ARHGAP28: variants seen among roughly 807,000 people sequenced by gnomAD.
ARHGAP28 encodes Rho GTPase activating protein 28, also known as rho GTPase-activating protein 28.
Under a neutral mutation model 90.7 loss-of-function variants are expected in ARHGAP28, and 56 were observed. That is an observed-to-expected ratio of 0.62 (90% CI 0.50 to 0.77). The LOEUF (loss-of-function observed/expected upper bound fraction) is 0.77, where lower values mean the gene tolerates loss of function less well. Ranked by LOEUF, ARHGAP28 falls within the 30% of genes least tolerant of loss-of-function variation. The pLI is 0.00. For synonymous variants in ARHGAP28, 308 were observed against 323.3 expected (o/e 0.95, Z 0.51); for missense variants, 869 against 900.9 (o/e 0.96, Z 0.45).
At chr18:6,743,879 G>A (rs181353412) in intron 1 of ARHGAP28, among the ~76,000 whole-genome samples, 1 of 152,166 alleles carries the variant, frequency 6.6e-6, no homozygotes, top group East Asian at 1.9e-4. Flanking sequence ...TTAATAGCTG[G>A]TCCTTAAGTG....
At chr18:6,733,085 A>G (rs944320374) in intron 1 of ARHGAP28, among the ~76,000 whole-genome samples, 4 of 152,222 alleles carry the variant, frequency 2.6e-5, no homozygotes, top group African/African-American at 7.2e-5. Context: ...ATTTTATAAA[A>G]TAGTTAAAAC....
At chr18:6,817,175 A>G (rs142895073) in intron 1 of ARHGAP28, among the ~76,000 whole-genome samples, 2,713 of 151,686 alleles carry the variant, frequency 0.018, 85 homozygotes, top group African/African-American at 0.063. Flanking sequence ...TTAGCTGGGC[A>G]TGGTGGTGCA....
chr18:6,802,798 A>G (rs1434705463), intron 1 of ARHGAP28, among the ~76,000 whole-genome samples: 2 of 152,182 alleles, frequency 1.3e-5, no homozygotes, highest in Admixed American at 6.5e-5. Flanking sequence ...TTTCTCAGCA[A>G]TGTTTGCAGT....
intron 1 of ARHGAP28, among the ~76,000 whole-genome samples, chr18:6,768,595 AG>A (rs2056218411): frequency 6.6e-6 from 1 of 152,180 alleles, no homozygotes; most frequent in South Asian, 2.1e-4. Context: ...CTGGGGGGTC[AG>A]GGGCTGCTCT....
At chr18:6,808,506 C>G (rs2143671116) in intron 1 of ARHGAP28, among the ~76,000 whole-genome samples, 1 of 152,054 alleles carries the variant, frequency 6.6e-6, no homozygotes, top group Non-Finnish European at 1.5e-5. Context: ...TTCAAGTGGT[C>G]AAGTCCTAGA....
chr18:6,887,206 G>A lies in ARHGAP28; in HGVS notation c.1503G>A (p.Met501Ile). Residue 501 changes from methionine (M) to isoleucine (I), a missense_variant, in exon 12 of 18, where the codon ATG (methionine) becomes ATA (isoleucine). Met to Ile is a conservative substitution (Grantham distance 10). Coordinates refer to ENST00000383472, the MANE Select transcript of ARHGAP28 (RefSeq NM_001366230.1). Reference sequence around the variant, plus strand: ...TTCAAGCCTTACACCTCATGGTCATGGCGCTGCCTGATGCCAACAGAGATG... The same window carrying A: ...TTCAAGCCTTACACCTCATGGTCATAGCGCTGCCTGATGCCAACAGAGATG... ...VQFQALHLMVMALPDANRDAA... is the reference protein window; with the variant it reads ...VQFQALHLMVIALPDANRDAA... 5 of 1,614,130 alleles carry A rather than the reference G, an allele frequency of 3.1e-6. No individual in the cohort carries two copies. Among genetic ancestry groups the A allele is most frequent in the Non-Finnish European group, 4.2e-6 (5 of 1,180,016 alleles).
chr18:6,733,023 A>G (rs2055895984), intron 1 of ARHGAP28, among the ~76,000 whole-genome samples: 1 of 152,198 alleles, frequency 6.6e-6, no homozygotes, highest in African/African-American at 2.4e-5. Context: ...TCTGAGTTTT[A>G]TAGCTCCAAT....
intron 1 of ARHGAP28, among the ~76,000 whole-genome samples, chr18:6,781,536 C>G (rs1371363677): frequency 1.3e-5 from 2 of 152,170 alleles, no homozygotes; most frequent in Non-Finnish European, 2.9e-5. Context: ...GGAGCGGGAG[C>G]TGCTGTCTCT....
At chr18:6,818,963 A>G (rs2056609248) in intron 1 of ARHGAP28, among the ~76,000 whole-genome samples, 2 of 151,980 alleles carry the variant, frequency 1.3e-5, no homozygotes, top group South Asian at 4.2e-4. Flanking sequence ...GCTCCCAGTA[A>G]CTCTCTCCAT....
At chr18:6,864,817 T>C (rs2057025902) in intron 5 of ARHGAP28, among the ~76,000 whole-genome samples, 1 of 152,002 alleles carries the variant, frequency 6.6e-6, no homozygotes, top group Non-Finnish European at 1.5e-5. Flanking sequence ...CCCCAGTAAC[T>C]GGGATTATAC....
chr18:6,861,236 C>T (rs1490932701), intron 5 of ARHGAP28, among the ~76,000 whole-genome samples: 4 of 152,132 alleles, frequency 2.6e-5, no homozygotes, highest in African/African-American at 4.8e-5. Context: ...CTCTGCCTCC[C>T]TCCTCCCCTC....
intron 14 of ARHGAP28, among the ~76,000 whole-genome samples, chr18:6,894,358 C>T (rs1230804240): frequency 6.6e-6 from 1 of 152,184 alleles, no homozygotes; most frequent in Non-Finnish European, 1.5e-5. Flanking sequence ...TTCTGAGATG[C>T]TCTATCTGCT....
chr18:6,751,834 C>A (rs1455470873), intron 1 of ARHGAP28, among the ~76,000 whole-genome samples: 1 of 152,100 alleles, frequency 6.6e-6, no homozygotes, highest in Non-Finnish European at 1.5e-5. Flanking sequence ...TCTGATTTAA[C>A]TTGATTTTCT....
chr18:6,911,028 G>T (rs1273247746), intron 17 of ARHGAP28, among the ~76,000 whole-genome samples: 1 of 151,938 alleles, frequency 6.6e-6, no homozygotes, highest in Non-Finnish European at 1.5e-5. Flanking sequence ...TAGAGATGGG[G>T]TTTCACTGAG....
At chr18:6,879,787 C>G (rs2057162956) in intron 10 of ARHGAP28, among the ~76,000 whole-genome samples, 2 of 152,196 alleles carry the variant, frequency 1.3e-5, no homozygotes, top group Admixed American at 1.3e-4. Flanking sequence ...GCCCTGTGAG[C>G]TCTACATGAT....
intron 4 of ARHGAP28, among the ~76,000 whole-genome samples, chr18:6,854,515 A>C (rs568359181): frequency 6.6e-6 from 1 of 152,008 alleles, no homozygotes; most frequent in African/African-American, 2.4e-5. Context: ...TTTTCTCCCC[A>C]TTCCCACCTT....
intron 5 of ARHGAP28, among the ~76,000 whole-genome samples, chr18:6,862,952 A>T (rs1352785126): frequency 6.6e-6 from 1 of 152,154 alleles, no homozygotes; most frequent in Non-Finnish European, 1.5e-5. Context: ...TTGCAGATAT[A>T]TAAGGAAAGT....
chr18:6,762,238 T>A (rs1390492200), intron 1 of ARHGAP28, among the ~76,000 whole-genome samples: 1 of 152,160 alleles, frequency 6.6e-6, no homozygotes, highest in Non-Finnish European at 1.5e-5. Context: ...AGACAGTGAT[T>A]TTTCTAAAAT....
At chr18:6,731,750 A>C (rs1194883333) in intron 1 of ARHGAP28, among the ~76,000 whole-genome samples, 1 of 152,202 alleles carries the variant, frequency 6.6e-6, no homozygotes, top group Non-Finnish European at 1.5e-5. Context: ...CTGTATTTAC[A>C]AAGAGCCAGA....
Sources: gnomAD v4.1 joint callset for allele counts (sites outside exome capture counted in the v4.1 genomes callset) on GRCh38, gnomAD v4.1.1 for gene constraint, MANE v1.5 for transcripts, NCBI Gene and HGNC (gene_info 2026-07-23, HGNC 2026-07-21) for gene names.